The following FANK1 variants were observed in gnomAD, a reference collection of about 807,000 sequenced individuals.
FANK1 encodes the protein fibronectin type III and ankyrin repeat domains 1.
FANK1 carries 44 observed loss-of-function variants against 45.3 expected under a neutral mutation model. The ratio of observed to expected loss-of-function variants is 0.97; its 90% CI spans 0.76 to 1.25. FANK1 has a LOEUF of 1.25. Ranked by LOEUF, FANK1 falls within the 50% of genes most tolerant of loss-of-function variation. The pLI is 0.00. For synonymous variants in FANK1, 149 were observed against 152.5 expected (o/e 0.98, Z 0.17); for missense variants, 391 against 424.4 (o/e 0.92, Z 0.69).
intron 1 of FANK1, among the ~76,000 whole-genome samples, chr10:125,970,706 C>T (rs1010940417): frequency 3.9e-5 from 6 of 152,128 alleles, no homozygotes; most frequent in East Asian, 1.9e-4. Context: ...CCCAGGCACT[C>T]GGCAGGCTGA....
At chr10:125,927,557 T>C (rs867573349) in intron 1 of FANK1, among the ~76,000 whole-genome samples, 7 of 141,766 alleles carry the variant, frequency 4.9e-5, no homozygotes, top group Middle Eastern at 7.1e-3. Flanking sequence ...TTATAAACTT[T>C]TTTTTTTTTG....
At chr10:125,953,259 G>C (rs1008727478) in intron 1 of FANK1, among the ~76,000 whole-genome samples, 4 of 152,136 alleles carry the variant, frequency 2.6e-5, no homozygotes, top group Non-Finnish European at 5.9e-5. Flanking sequence ...CTCTGTTTGT[G>C]CAGTTTGGTG....
At chr10:125,929,925 C>T (rs914682111) in intron 1 of FANK1, among the ~76,000 whole-genome samples, 1 of 152,182 alleles carries the variant, frequency 6.6e-6, no homozygotes, top group African/African-American at 2.4e-5. Context: ...GAGGATATTT[C>T]CTGTTATAGC....
intron 1 of FANK1, among the ~76,000 whole-genome samples, chr10:125,923,740 C>T (rs1455642022): frequency 6.6e-6 from 1 of 152,024 alleles, no homozygotes; most frequent in Non-Finnish European, 1.5e-5. Flanking sequence ...GTTGCCCAGG[C>T]TGGTCTCAAA....
At chr10:125,988,285 A>G (rs1951697007) in intron 2 of FANK1, among the ~76,000 whole-genome samples, 1 of 152,186 alleles carries the variant, frequency 6.6e-6, no homozygotes, top group African/African-American at 2.4e-5. Flanking sequence ...GGTTAACGTG[A>G]TTATTTCTCC....
chr10:125,984,599 AG>A (rs990976184), intron 2 of FANK1, among the ~76,000 whole-genome samples: 1 of 152,156 alleles, frequency 6.6e-6, no homozygotes, highest in Non-Finnish European at 1.5e-5. Context: ...GGGGATGTCA[AG>A]GGCCAGGGAA....
intron 1 of FANK1, among the ~76,000 whole-genome samples, chr10:125,976,672 G>T (rs1950874830): frequency 6.6e-6 from 1 of 151,972 alleles, no homozygotes; most frequent in South Asian, 2.1e-4. Context: ...ACCCAGGCTG[G>T]AGTGCAGTGG....
At chr10:125,973,469 A>G (rs1210265347) in intron 1 of FANK1, 1 of 985,144 alleles carries the variant, frequency 1.0e-6, no homozygotes, top group Non-Finnish European at 1.2e-6. Flanking sequence ...AATTGCTGGG[A>G]TTCAGTGAGA....
intron 1 of FANK1, among the ~76,000 whole-genome samples, chr10:125,928,127 T>C (rs140361546): frequency 0.018 from 2,712 of 152,268 alleles, 84 homozygotes; most frequent in African/African-American, 0.062. Context: ...AGTAAAGTGA[T>C]AGCAGGTTTA....
intron 2 of FANK1, among the ~76,000 whole-genome samples, chr10:125,982,859 T>A (rs989832807): frequency 2.6e-5 from 4 of 152,024 alleles, no homozygotes; most frequent in African/African-American, 9.7e-5. Flanking sequence ...CATTTGTGGA[T>A]CCCCAGCTCC....
intron 2 of FANK1, among the ~76,000 whole-genome samples, chr10:125,981,942 C>T (rs184505841): frequency 1.3e-5 from 2 of 152,242 alleles, no homozygotes; most frequent in East Asian, 3.9e-4. Context: ...ATGAAAGCTC[C>T]AATTTCAACT....
chr10:125,980,995 TTTTACTTG>T (rs1264898801), intron 2 of FANK1: 6 of 144,748 alleles, frequency 4.1e-5, no homozygotes, highest in African/African-American at 1.5e-4. Context: ...GTTGGGCTTA[TTTTACTTG>T]TTTACTTGTT....
chr10:125,950,167 A>G (rs990173155), intron 1 of FANK1, among the ~76,000 whole-genome samples: 4 of 150,434 alleles, frequency 2.7e-5, no homozygotes, highest in African/African-American at 7.3e-5. Context: ...AAAACCCTAG[A>G]AGAAAACCTA....
intron 3 of FANK1, chr10:125,989,408 C>T: frequency 2.0e-6 from 3 of 1,514,746 alleles, no homozygotes; most frequent in African/African-American, 1.4e-5. Flanking sequence ...GTGAGTAAAG[C>T]TCTTTTTCCG....
At chr10:126,002,302 ACT>A (rs1952825216) in intron 6 of FANK1, among the ~76,000 whole-genome samples, 1 of 140,366 alleles carries the variant, frequency 7.1e-6, no homozygotes, top group African/African-American at 2.5e-5. Context: ...ATAGAGTGAG[ACT>A]CTGTCTCAAA....
chr10:125,998,524 G>C lies in FANK1; in HGVS notation c.539+1039G>C, dbSNP rs534755887. Reference sequence around the variant, plus strand: ...TATGAGGAGAGTAGGAAAAATGAAAGAATTAAAAGTAGACATTGATTAAAA... The same window carrying C: ...TATGAGGAGAGTAGGAAAAATGAAACAATTAAAAGTAGACATTGATTAAAA... On this transcript the variant is annotated intron_variant, in intron 6 of 10. Coordinates refer to ENST00000368693, the MANE Select transcript of FANK1 (RefSeq NM_145235.5). Among the ~76,000 whole-genome samples, 4 of 152,168 alleles carry C rather than the reference G, an allele frequency of 2.6e-5. No individual in the cohort carries two copies. The South Asian group carries it at 8.3e-4, about 32-fold the overall frequency.
intron 6 of FANK1, among the ~76,000 whole-genome samples, chr10:126,003,108 AT>A (rs5788756): frequency 1.4e-4 from 21 of 144,850 alleles, no homozygotes; most frequent in Admixed American, 2.1e-4. Flanking sequence ...CTCTCTTTAA[AT>A]TTTTTTTTTT....
intron 1 of FANK1, among the ~76,000 whole-genome samples, chr10:125,952,039 A>G (rs1268576600): frequency 6.6e-6 from 1 of 152,158 alleles, no homozygotes; most frequent in Non-Finnish European, 1.5e-5. Flanking sequence ...TTTATCTGGA[A>G]CTGTCAGACT....
chr10:125,967,093 T>A (rs564394153), intron 1 of FANK1, among the ~76,000 whole-genome samples: 1 of 152,334 alleles, frequency 6.6e-6, no homozygotes, highest in East Asian at 1.9e-4. Context: ...TCTAACAAAT[T>A]CCATGTTCTT....
Sources: allele counts gnomAD v4.1 joint callset (sites outside exome capture counted in the v4.1 genomes callset), GRCh38; gene constraint gnomAD v4.1.1; transcripts MANE v1.5; gene names NCBI Gene and HGNC (gene_info 2026-07-23, HGNC 2026-07-21).